KIAA0825: variants seen among roughly 807,000 people sequenced by gnomAD.
KIAA0825 encodes uncharacterized protein KIAA0825.
In KIAA0825, 119 loss-of-function variants were observed where a neutral mutation model predicts 147.6. The ratio of observed to expected loss-of-function variants is 0.81; its 90% CI spans 0.69 to 0.94. The LOEUF (loss-of-function observed/expected upper bound fraction) is 0.94. Ranked by LOEUF, KIAA0825 falls within the 40% of genes least tolerant of loss-of-function variation. The pLI is 0.00. For synonymous variants in KIAA0825, 470 were observed against 518.1 expected, an observed-to-expected ratio of 0.91 and a Z score of 1.26; for missense variants, 1,381 against 1,472.7, an observed-to-expected ratio of 0.94 and a Z score of 1.02.
Position 94,484,787 on chromosome 5 carries a change from T to C in KIAA0825, c.1114A>G (p.Ile372Val). Reference protein sequence around the residue: ...LFDEILLSLKITRDTSGILEK... With the variant: ...LFDEILLSLKVTRDTSGILEK... ...ATATTACCTGAAGTATCCCTGGTTA[T>C]CTTGAGTGATAAAAGTATTTCGTCA... The change falls in exon 6 of 21, where the codon ATA becomes GTA. Residue 372 changes from isoleucine to valine, a missense_variant. By Grantham distance (29) the Ile-to-Val change is conservative. Coordinates refer to ENST00000682413, the MANE Select transcript of KIAA0825 (RefSeq NM_001145678.3). 2.7e-6 allele frequency: 4 copies of C among 1,494,336 alleles called. No homozygotes were observed. Among genetic ancestry groups the C allele is most frequent in the Non-Finnish European group, 3.6e-6 (4 of 1,109,630 alleles). The allele number at this position is 1,494,336 out of a possible 1,614,324, so 92.6% of individuals were successfully genotyped here. A position where few individuals can be genotyped will look rare whatever the true frequency, so the allele number is the denominator to read the frequency against.
chr5:94,269,014 A>G (rs981495539), intron 20 of KIAA0825, among the ~76,000 whole-genome samples: 3 of 152,188 alleles, frequency 2.0e-5, no homozygotes, highest in Non-Finnish European at 4.4e-5. Context: ...TCCTATCTTT[A>G]TTCATCTATT....
At chr5:94,274,520 C>T (rs1177710391) in intron 20 of KIAA0825, among the ~76,000 whole-genome samples, 6 of 152,024 alleles carry the variant, frequency 3.9e-5, no homozygotes, top group Non-Finnish European at 8.8e-5. Flanking sequence ...AGGAAATGTA[C>T]CTGTCCTTAA....
intron 20 of KIAA0825, among the ~76,000 whole-genome samples, chr5:94,311,537 AAACT>A (rs1280968873): frequency 6.6e-6 from 1 of 151,686 alleles, no homozygotes; most frequent in Non-Finnish European, 1.5e-5. Context: ...ACCAAATAAC[AAACT>A]AACACCACCA....
intron 2 of KIAA0825, among the ~76,000 whole-genome samples, chr5:94,565,348 T>TC (rs1332491323): frequency 2.0e-5 from 3 of 149,578 alleles, no homozygotes; most frequent in Non-Finnish European, 4.5e-5. Context: ...TTAATTCCTT[T>TC]TTTTTTTTTT....
At chr5:94,187,154 C>CA (rs1770191529) in intron 20 of KIAA0825, among the ~76,000 whole-genome samples, 1 of 152,082 alleles carries the variant, frequency 6.6e-6, no homozygotes, top group Non-Finnish European at 1.5e-5. Flanking sequence ...ATAATCCATG[C>CA]AGGCACATCA....
intron 1 of KIAA0825, among the ~76,000 whole-genome samples, chr5:94,598,356 C>T (rs1202760263): frequency 6.6e-5 from 10 of 152,038 alleles, no homozygotes; most frequent in Non-Finnish European, 1.3e-4. Context: ...CTTCCACCTC[C>T]ACATTTTGTC....
intron 20 of KIAA0825, among the ~76,000 whole-genome samples, chr5:94,290,798 G>T (rs543026940): frequency 1.3e-5 from 2 of 152,264 alleles, no homozygotes; most frequent in African/African-American, 4.8e-5. Context: ...AGCATCTGTT[G>T]TTTCCTGAGT....
At chr5:94,603,613 A>G (rs1786917348) in intron 1 of KIAA0825, among the ~76,000 whole-genome samples, 2 of 152,230 alleles carry the variant, frequency 1.3e-5, no homozygotes, top group South Asian at 2.1e-4. Flanking sequence ...TGCCCCAATT[A>G]AAAGACATAA....
intron 4 of KIAA0825, among the ~76,000 whole-genome samples, chr5:94,522,592 C>T (rs1768438085): frequency 6.6e-6 from 1 of 151,408 alleles, no homozygotes; most frequent in Non-Finnish European, 1.5e-5. Context: ...AGAAAATTAA[C>T]AAGAAATTTT....
chr5:94,291,484 G>A (rs114082058), intron 20 of KIAA0825, among the ~76,000 whole-genome samples: 3,735 of 152,214 alleles, frequency 0.025, 179 homozygotes, highest in African/African-American at 0.086. Flanking sequence ...CTCTGTTTTG[G>A]AACCAGTAGC....
At chr5:94,347,377 C>G (rs1783129392) in intron 20 of KIAA0825, among the ~76,000 whole-genome samples, 1 of 152,206 alleles carries the variant, frequency 6.6e-6, no homozygotes, top group African/African-American at 2.4e-5. Flanking sequence ...ATCACCAAAG[C>G]TAAAAACCCT....
rs1766608904 is a variant in KIAA0825 at position 94,152,840 on chromosome 5, AAAAAAAAAAAAAAAATTATATAT to A, written c.*1144_*1166del. The A allele has an allele frequency of 5.9e-5, 2 of 33,770 alleles. No individual in the cohort carries two copies. The highest frequency in any genetic ancestry group is 4.3e-4 in the Admixed American group (1 of 2,312). 2.1% of individuals were successfully genotyped at this position (33,770 alleles called of 1,614,324 possible). A position where few individuals can be genotyped will look rare whatever the true frequency, so the allele number is the denominator to read the frequency against. The stretch of plus-strand genomic sequence containing the variant: ...TAAAATGAAAAAAAAAAAAAAAAAA[AAAAAAAAAAAAAAAATTATATAT>A]ATATATATATATATATATATATATA... On this transcript the variant is annotated 3_prime_UTR_variant, in exon 21 of 21. Coordinates refer to ENST00000682413, the MANE Select transcript of KIAA0825 (RefSeq NM_001145678.3).
intron 20 of KIAA0825, among the ~76,000 whole-genome samples, chr5:94,322,808 T>C (rs1780316550): frequency 6.6e-6 from 1 of 151,950 alleles, no homozygotes; most frequent in Non-Finnish European, 1.5e-5. Context: ...GCACATAAAT[T>C]CTGTGATGCT....
intron 20 of KIAA0825, among the ~76,000 whole-genome samples, chr5:94,202,391 G>C (rs1771779333): frequency 6.6e-6 from 1 of 152,186 alleles, no homozygotes; most frequent in Admixed American, 6.5e-5. Context: ...TCTGTGTACT[G>C]TTTTACGTGT....
chr5:94,191,973 G>A (rs139931732), intron 20 of KIAA0825, among the ~76,000 whole-genome samples: 9 of 152,326 alleles, frequency 5.9e-5, no homozygotes, highest in South Asian at 4.1e-4. Context: ...AATCGTCAGA[G>A]CAGGTTTTAG....
intron 20 of KIAA0825, among the ~76,000 whole-genome samples, chr5:94,234,193 C>T (rs1381506528): frequency 2.0e-5 from 3 of 151,678 alleles, no homozygotes; most frequent in Non-Finnish European, 2.9e-5. Flanking sequence ...AGTGAAACCC[C>T]GTCTCTACTA....
Position 94,396,093 on chromosome 5 carries a change from C to T in KIAA0825, c.3296+8G>A. On this transcript the variant is annotated splice_region_variant and intron_variant, in intron 17 of 20. Transcript: ENST00000682413. ...ATGAAATCCAATAAGAGAAAAACAT[C>T]ACTTTACCATTCAGTGCTCAGTTTC... The T allele has an allele frequency of 7.0e-7, 1 of 1,430,470 alleles. No individual in the cohort carries two copies. Among genetic ancestry groups the T allele is most frequent in the African/African-American group, 1.4e-5 (1 of 69,252 alleles). The allele number at this position is 1,430,470 out of a possible 1,614,324, so 88.6% of individuals were successfully genotyped here. A position where few individuals can be genotyped will look rare whatever the true frequency, so the allele number is the denominator to read the frequency against.
At chr5:94,427,854 T>C (rs1238352906) in intron 14 of KIAA0825, among the ~76,000 whole-genome samples, 1 of 152,086 alleles carries the variant, frequency 6.6e-6, no homozygotes, top group Non-Finnish European at 1.5e-5. Flanking sequence ...AGAACCTGGG[T>C]GCTTGTTTTG....
intron 2 of KIAA0825, among the ~76,000 whole-genome samples, chr5:94,558,125 C>T (rs1776901628): frequency 6.6e-6 from 1 of 152,160 alleles, no homozygotes; most frequent in Non-Finnish European, 1.5e-5. Flanking sequence ...TCTAATAGAG[C>T]TATAACACTC....
Sources: allele counts gnomAD v4.1 joint callset (sites outside exome capture counted in the v4.1 genomes callset), GRCh38; gene constraint gnomAD v4.1.1; transcripts MANE v1.5; gene names NCBI Gene and HGNC (gene_info 2026-07-23, HGNC 2026-07-21).